The following LRMDA variants were observed in gnomAD, a reference collection of about 807,000 sequenced individuals.
The protein encoded by LRMDA is leucine-rich melanocyte differentiation-associated protein.
LRMDA carries 18 observed loss-of-function variants against 29.8 expected under a neutral mutation model. That is an observed-to-expected ratio of 0.60 (90% CI 0.42 to 0.90). The LOEUF (loss-of-function observed/expected upper bound fraction) is 0.90, where lower values mean the gene tolerates loss of function less well. LRMDA is among the 40% of genes least tolerant of loss of function. The pLI is 0.00. For synonymous variants in LRMDA, 125 were observed against 109.4 expected (o/e 1.14, Z -0.89); for missense variants, 273 against 273.9 (o/e 1.00, Z 0.02).
rs1006721313 is a variant in LRMDA, at chr10:76,474,455, G to C, written c.602-82754G>C. ...TGTGAAAAGATAACCTCTAGAACTG[G>C]AGAAATTTTTATAAGTCATATATCT... On this transcript the variant is annotated intron_variant, in intron 6 of 6. Transcript: ENST00000611255. Among the ~76,000 whole-genome samples, 3 of 151,424 alleles carry C rather than the reference G, an allele frequency of 2.0e-5. No homozygotes were observed. In the South Asian group the frequency reaches 6.2e-4, roughly 31 times the overall value.
At chr10:76,537,697 G>T (rs1281596912) in intron 6 of LRMDA, among the ~76,000 whole-genome samples, 1 of 151,802 alleles carries the variant, frequency 6.6e-6, no homozygotes, top group Non-Finnish European at 1.5e-5. Flanking sequence ...ATTAGATTGA[G>T]CCCACCCAGA....
intron 2 of LRMDA, among the ~76,000 whole-genome samples, chr10:75,978,119 C>T (rs1012263712): frequency 2.0e-5 from 3 of 152,150 alleles, no homozygotes; most frequent in African/African-American, 7.2e-5. Flanking sequence ...ATGGAGGGCA[C>T]TGGAGCAAGG....
intron 2 of LRMDA, among the ~76,000 whole-genome samples, chr10:75,715,500 CTATAATCTTACTTTGCAATA>C (rs1376420787): frequency 6.6e-6 from 1 of 151,886 alleles, no homozygotes; most frequent in Non-Finnish European, 1.5e-5. Context: ...TAGGATCATT[CTATAATCTTACTTTGCAATA>C]TGTATTTGCA....
At chr10:75,631,520 G>C (rs950777889) in intron 2 of LRMDA, among the ~76,000 whole-genome samples, 2 of 152,082 alleles carry the variant, frequency 1.3e-5, no homozygotes, top group African/African-American at 4.8e-5. Context: ...TTTTTGATGG[G>C]GGGGAAATAC....
chr10:76,495,773 A>AAAT (rs1311079327), intron 6 of LRMDA, among the ~76,000 whole-genome samples: 1 of 151,954 alleles, frequency 6.6e-6, no homozygotes, highest in Non-Finnish European at 1.5e-5. Flanking sequence ...GGGTAATTGT[A>AAAT]AATGGTATTA....
At position 75,440,562 on chromosome 10, in the gene LRMDA, C is replaced by T. The variant is rs565146023; in HGVS notation, c.131+2068C>T. The stretch of plus-strand genomic sequence containing the variant: ...TGACTTGAGTTGGGTGTGCTTGGGA[C>T]TGGATCACCTTTGACCTTCTTTATT... On this transcript the variant is annotated intron_variant, in intron 2 of 6. Coordinates refer to ENST00000611255, the MANE Select transcript of LRMDA (RefSeq NM_001305581.2). 1.1e-4 allele frequency among the ~76,000 whole-genome samples: 17 copies of T among 152,188 alleles called. No homozygotes were observed. The South Asian group carries it at 3.1e-3, about 28-fold the overall frequency.
chr10:76,338,359 G>A (rs1414765987), intron 6 of LRMDA, among the ~76,000 whole-genome samples: 1 of 134,366 alleles, frequency 7.4e-6, no homozygotes, highest in African/African-American at 2.6e-5. Context: ...GTGAGACACA[G>A]TCTCATAAAT....
intron 2 of LRMDA, among the ~76,000 whole-genome samples, chr10:75,577,402 A>G (rs1030071863): frequency 1.1e-4 from 16 of 152,212 alleles, no homozygotes; most frequent in African/African-American, 3.1e-4. Context: ...GAAAAGACCA[A>G]ATGTACATTG....
intron 2 of LRMDA, among the ~76,000 whole-genome samples, chr10:75,529,040 G>T (rs1845446496): frequency 1.3e-5 from 2 of 152,274 alleles, no homozygotes; most frequent in African/African-American, 2.4e-5. Context: ...AGTCTCAGAG[G>T]TCCAACATAA....
intron 2 of LRMDA, among the ~76,000 whole-genome samples, chr10:75,674,784 A>C (rs1337229412): frequency 1.3e-5 from 2 of 152,046 alleles, no homozygotes; most frequent in Non-Finnish European, 2.9e-5. Flanking sequence ...GCTGGGGCTC[A>C]GTGGTTGGAA....
rs373170456 is a variant in LRMDA, at chr10:75,683,056, C to T, written c.131+244562C>T. Among the ~76,000 whole-genome samples the T allele has an allele frequency of 1.1e-3, 166 of 152,252 alleles. 6 individuals carry two copies. In the South Asian group the frequency reaches 0.029, roughly 27 times the overall value. ...TGCTGAGCTCCTGTAGCTAGTTGGC[C>T]GCGATGTACATTTCCTCTCCTGGAG... On this transcript the variant is annotated intron_variant, in intron 2 of 6. Coordinates refer to ENST00000611255, the MANE Select transcript of LRMDA (RefSeq NM_001305581.2).
chr10:75,438,537 A>G (rs748769595), intron 2 of LRMDA, 43 bp downstream of exon 2: 8 of 1,468,454 alleles, frequency 5.4e-6, no homozygotes, highest in Non-Finnish European at 7.5e-6. Flanking sequence ...TGGGAGGCCC[A>G]GTCCTCCTGG....
At chr10:76,147,971 G>A (rs1003340689) in intron 5 of LRMDA, among the ~76,000 whole-genome samples, 8 of 152,210 alleles carry the variant, frequency 5.3e-5, no homozygotes, top group Admixed American at 2.6e-4. Flanking sequence ...GTTTGCCTGG[G>A]TATCACCAGT....
At chr10:75,755,931 A>G (rs533299944) in intron 2 of LRMDA, among the ~76,000 whole-genome samples, 7 of 152,326 alleles carry the variant, frequency 4.6e-5, no homozygotes, top group Non-Finnish European at 8.8e-5. Flanking sequence ...TATGGCTTAC[A>G]TTCTAAATGT....
intron 5 of LRMDA, among the ~76,000 whole-genome samples, chr10:76,166,494 G>T (rs1403795687): frequency 1.3e-5 from 2 of 152,042 alleles, no homozygotes; most frequent in Admixed American, 6.5e-5. Context: ...GTAGGCCCCA[G>T]TGTCTGTTCT....
intron 2 of LRMDA, among the ~76,000 whole-genome samples, chr10:75,631,371 C>A (rs193091548): frequency 1.3e-5 from 2 of 152,132 alleles, no homozygotes; most frequent in Admixed American, 1.3e-4. Flanking sequence ...TCATGACTCC[C>A]CTTCTAATGT....
At chr10:76,480,916 G>T (rs1180745731) in intron 6 of LRMDA, among the ~76,000 whole-genome samples, 3 of 151,880 alleles carry the variant, frequency 2.0e-5, no homozygotes, top group Non-Finnish European at 2.9e-5. Context: ...AGTAAGTCCT[G>T]CCATTGGGAC....
chr10:75,501,453 C>T (rs959254332), intron 2 of LRMDA, among the ~76,000 whole-genome samples: 2 of 152,142 alleles, frequency 1.3e-5, no homozygotes, highest in African/African-American at 4.8e-5. Context: ...CTTGTGCATC[C>T]TGTCTATTGA....
chr10:76,390,981 C>T (rs1342154784), intron 6 of LRMDA, among the ~76,000 whole-genome samples: 1 of 152,154 alleles, frequency 6.6e-6, no homozygotes, highest in Admixed American at 6.5e-5. Flanking sequence ...GAATTTTCAA[C>T]ATATGATAGT....
Sources: allele counts gnomAD v4.1 joint callset (sites outside exome capture counted in the v4.1 genomes callset), GRCh38; gene constraint gnomAD v4.1.1; transcripts MANE v1.5; gene names NCBI Gene and HGNC (gene_info 2026-07-23, HGNC 2026-07-21).